PDGFRA: variants seen among roughly 807,000 people sequenced by gnomAD.
PDGFRA encodes platelet derived growth factor receptor alpha, also known as platelet-derived growth factor receptor alpha.
A neutral mutation model predicts 121.5 loss-of-function variants in PDGFRA; 25 were observed. That is an observed-to-expected ratio of 0.21 (90% CI 0.15 to 0.29). PDGFRA has a LOEUF of 0.29. Among genes scored for constraint, PDGFRA ranks in the 10% least tolerant of loss-of-function variants. PDGFRA has a pLI of 1.00. For missense variants in PDGFRA, 1,008 were observed against 1,345.1 expected (o/e 0.75, Z 3.92); for synonymous variants, 463 against 494.8 (o/e 0.94, Z 0.85).
intron 3 of PDGFRA, among the ~76,000 whole-genome samples, chr4:54,261,898 CAT>C (rs397880252): frequency 0.01 from 961 of 95,178 alleles, 9 homozygotes; most frequent in African/African-American, 0.031. Flanking sequence ...AAAAAAGTTA[CAT>C]ATATATATAT....
At chr4:54,281,599 G>A in intron 16 of PDGFRA, 2 of 1,352,754 alleles carry the variant, frequency 1.5e-6, no homozygotes, top group Non-Finnish European at 1.9e-6. Flanking sequence ...GGTGGAGTTG[G>A]CACGAGATGT....
intron 1 of PDGFRA, among the ~76,000 whole-genome samples, chr4:54,234,731 C>T (rs1353624942): frequency 1.3e-5 from 2 of 152,136 alleles, no homozygotes; most frequent in Non-Finnish European, 2.9e-5. Context: ...GTTCCCGTTT[C>T]TGAGTGAGGA....
intron 1 of PDGFRA, among the ~76,000 whole-genome samples, chr4:54,233,954 A>AGATAGGACAGCGCGGCCC (rs1720860033): frequency 6.6e-6 from 1 of 152,188 alleles, no homozygotes; most frequent in Non-Finnish European, 1.5e-5. Flanking sequence ...GCGCGCGGAC[A>AGATAGGACAGCGCGGCCC]GATAGGACAG....
At chr4:54,230,071 T>A (rs1720577524) in intron 1 of PDGFRA, 1 of 152,348 alleles carries the variant, frequency 6.6e-6, no homozygotes, top group African/African-American at 2.4e-5. Context: ...GCCGGCCGAA[T>A]GCGCGTGATT....
intron 21 of PDGFRA, 84 bp downstream of exon 21, chr4:54,289,198 A>G: frequency 2.4e-6 from 2 of 832,262 alleles, no homozygotes; most frequent in South Asian, 2.8e-5. Context: ...GTTCTAGAGG[A>G]GCATTTTCAA....
chr4:54,278,789 A>C lies in PDGFRA; in HGVS notation c.2156+274A>C, dbSNP rs578044968. On this transcript the variant is annotated intron_variant, in intron 15 of 22. Coordinates refer to ENST00000257290, the MANE Select transcript of PDGFRA (RefSeq NM_006206.6). The stretch of plus-strand genomic sequence containing the variant: ...CTCTGGGAGCTCTTCTGCTATTTAC[A>C]TGTGATCCACTTAGACCTATAAAAT... 27 of 591,254 alleles carry C rather than the reference A, an allele frequency of 4.6e-5. 1 individual carries two copies. The highest frequency in any genetic ancestry group is 3.8e-4 in the South Asian group (25 of 65,674). The allele number at this position is 591,254 out of a possible 1,614,324, so 36.6% of individuals were successfully genotyped here.
rs1216076793 is a variant in PDGFRA, at chr4:54,295,549, G to A, written c.*277G>A. 2 of 485,818 alleles carry A rather than the reference G, an allele frequency of 4.1e-6. No homozygotes were observed. The highest frequency in any genetic ancestry group is 3.4e-5 in the Admixed American group (1 of 29,746). The allele number at this position is 485,818 out of a possible 1,614,324, so 30.1% of individuals were successfully genotyped here. A position where few individuals can be genotyped will look rare whatever the true frequency, so the allele number is the denominator to read the frequency against. ...AAGGGAATAATAGGCCACAGAAGGTGAACTTTGTGCTTCAAGGACATTGGT... is the reference window on the plus strand; with the variant it reads ...AAGGGAATAATAGGCCACAGAAGGTAAACTTTGTGCTTCAAGGACATTGGT... On this transcript the variant is annotated 3_prime_UTR_variant, in exon 23 of 23. Coordinates refer to ENST00000257290, the MANE Select transcript of PDGFRA (RefSeq NM_006206.6).
chr4:54,267,817 C>T (rs982519340), intron 7 of PDGFRA, 76 bp downstream of exon 7: 8 of 1,141,712 alleles, frequency 7.0e-6, no homozygotes, highest in Non-Finnish European at 9.2e-6. Flanking sequence ...GTGTGTCTTA[C>T]AACCCAGACC....
chr4:54,287,621 A>G, intron 19 of PDGFRA, 80 bp downstream of exon 19: 1 of 778,142 alleles, frequency 1.3e-6, no homozygotes, highest in South Asian at 1.4e-5. Context: ...AAGCCCCAGG[A>G]TGTAGACAGT....
intron 7 of PDGFRA, among the ~76,000 whole-genome samples, chr4:54,269,342 C>T (rs1230739090): frequency 6.6e-6 from 1 of 152,104 alleles, no homozygotes; most frequent in African/African-American, 2.4e-5. Context: ...ACAATTATCA[C>T]GTTTTACACA....
At chr4:54,229,549 T>G in intron 1 of PDGFRA, 134 bp downstream of exon 1, 1 of 389,730 alleles carries the variant, frequency 2.6e-6, no homozygotes, top group Admixed American at 4.5e-5. Flanking sequence ...CAGTTGTGTG[T>G]CCAGAGAGTA....
At chr4:54,294,796 CT>C (rs1724797150) in intron 22 of PDGFRA, among the ~76,000 whole-genome samples, 1 of 152,236 alleles carries the variant, frequency 6.6e-6, no homozygotes, top group Admixed American at 6.5e-5. Flanking sequence ...ACTTCACCCC[CT>C]GCTCTGCCTT....
chr4:54,270,730 T>C lies in PDGFRA; in HGVS notation c.1219T>C (p.Phe407Leu). ...QNEDAVKSYT[F>L]ELLTQVPSSI... ...TGAAGATGCTGTGAAGAGCTATACT[T>C]TTGAACTGTTAACTCAAGGTATGTA... is the stretch of plus-strand genomic sequence containing the variant. The change falls in exon 8 of 23, where the codon TTT (phenylalanine) becomes CTT (leucine). Residue 407 changes from phenylalanine (F) to leucine (L), a missense_variant. Physicochemically the swap from Phe to Leu is conservative, Grantham distance 22. Transcript: ENST00000257290. The C allele has an allele frequency of 6.3e-7, 1 of 1,579,018 alleles. No individual in the cohort carries two copies. Among genetic ancestry groups the C allele is most frequent in the Non-Finnish European group, 8.7e-7 (1 of 1,148,090 alleles).
At chr4:54,249,551 G>A (rs890038881) in intron 1 of PDGFRA, among the ~76,000 whole-genome samples, 11 of 151,906 alleles carry the variant, frequency 7.2e-5, no homozygotes, top group Non-Finnish European at 1.3e-4. Context: ...ACCAAATGCC[G>A]CATATTCTCA....
At chr4:54,263,219 T>C (rs1247867591) in intron 3 of PDGFRA, among the ~76,000 whole-genome samples, 2 of 152,162 alleles carry the variant, frequency 1.3e-5, no homozygotes, top group African/African-American at 4.8e-5. Context: ...TTAAACAGAG[T>C]TGGACTGTAT....
At chr4:54,262,044 A>G (rs371664325) in intron 3 of PDGFRA, among the ~76,000 whole-genome samples, 98 of 150,102 alleles carry the variant, frequency 6.5e-4, no homozygotes, top group African/African-American at 2.3e-3. Context: ...CGATTCTCCC[A>G]CTTCAGCCTC....
chr4:54,285,629 A>T (rs1724317028), intron 17 of PDGFRA, 143 bp downstream of exon 17: 1 of 733,728 alleles, frequency 1.4e-6, no homozygotes, highest in African/African-American at 1.7e-5. Context: ...TCCCCTACGC[A>T]GGTCAGGGAG....
chr4:54,266,602 G>A (rs1395335104), intron 5 of PDGFRA, among the ~76,000 whole-genome samples: 2 of 151,944 alleles, frequency 1.3e-5, no homozygotes, highest in Non-Finnish European at 2.9e-5. Flanking sequence ...TGAATAATAG[G>A]TGTTATTCTT....
intron 1 of PDGFRA, among the ~76,000 whole-genome samples, chr4:54,257,405 TA>T (rs1722433420): frequency 6.6e-6 from 1 of 152,226 alleles, no homozygotes; most frequent in Admixed American, 6.5e-5. Context: ...TTTATTCCTT[TA>T]TTTTCTTAAT....
Sources: gnomAD v4.1 joint callset for allele counts (sites outside exome capture counted in the v4.1 genomes callset) on GRCh38, gnomAD v4.1.1 for gene constraint, MANE v1.5 for transcripts, NCBI Gene and HGNC (gene_info 2026-07-23, HGNC 2026-07-21) for gene names.